The following EDN1 variants were observed in gnomAD, a reference collection of about 807,000 sequenced individuals.
EDN1 encodes the protein endothelin-1.
EDN1 carries 11 observed loss-of-function variants against 21.7 expected under a neutral mutation model. The observed-to-expected ratio is 0.51, with a 90% confidence interval of 0.32 to 0.84. The LOEUF (loss-of-function observed/expected upper bound fraction) is 0.84, where lower values mean the gene tolerates loss of function less well. Ranked by LOEUF, EDN1 falls within the 40% of genes least tolerant of loss-of-function variation. The probability of loss-of-function intolerance (pLI) is 0.03; values close to 1 mark genes in which losing one functional copy is unlikely to be tolerated. For synonymous variants in EDN1, 85 were observed against 90.6 expected (o/e 0.94, Z 0.35); for missense variants, 244 against 262.3 (o/e 0.93, Z 0.48).
the EDN1 span, among the ~76,000 whole-genome samples, chr6:12,269,416 G>GA: frequency 0.76 from 115,238 of 151,902 alleles, 43,931 homozygotes; most frequent in East Asian, 0.83. Flanking sequence ...AGATCTTAGA[G>GA]AAGAGCTTTA....
chr6:12,253,370 G>A, the EDN1 span, among the ~76,000 whole-genome samples: 1 of 152,122 alleles, frequency 6.6e-6, no homozygotes, highest in Admixed American at 6.5e-5. Context: ...CAAAAATTAA[G>A]CAGAATGCAA....
the EDN1 span, among the ~76,000 whole-genome samples, chr6:12,238,553 A>T: frequency 6.6e-6 from 1 of 152,292 alleles, no homozygotes; most frequent in South Asian, 2.1e-4. Flanking sequence ...GGCGGAGGGG[A>T]AGCACTTTCC....
the EDN1 span, among the ~76,000 whole-genome samples, chr6:12,233,103 T>A: frequency 6.6e-6 from 1 of 152,218 alleles, no homozygotes; most frequent in Non-Finnish European, 1.5e-5. Flanking sequence ...TTTGTTTTCC[T>A]TTACAGGGGT....
the EDN1 span, among the ~76,000 whole-genome samples, chr6:12,258,643 C>T: frequency 3.3e-5 from 5 of 152,228 alleles, no homozygotes; most frequent in Non-Finnish European, 5.9e-5. Context: ...CGTGTGTGAA[C>T]CTTACATTGG....
chr6:12,254,062 A>G, the EDN1 span, among the ~76,000 whole-genome samples: 1 of 152,116 alleles, frequency 6.6e-6, no homozygotes, highest in South Asian at 2.1e-4. Flanking sequence ...GCTCCAAACT[A>G]TCTTTCAGTC....
At chr6:12,295,848 G>A (rs1762809645) in intron 4 of EDN1, 114 bp from the exon 5 acceptor site, 2 of 1,023,030 alleles carry the variant, frequency 2.0e-6, no homozygotes, top group African/African-American at 1.6e-5. Context: ...GGTGGTGAAA[G>A]TTCACAACCA....
At chr6:12,279,668 A>G in the EDN1 span, among the ~76,000 whole-genome samples, 1 of 152,198 alleles carries the variant, frequency 6.6e-6, no homozygotes, top group South Asian at 2.1e-4. Flanking sequence ...TTGCACATTC[A>G]TTTTGCAGAA....
chr6:12,247,182 G>T, the EDN1 span, among the ~76,000 whole-genome samples: 1 of 152,150 alleles, frequency 6.6e-6, no homozygotes, highest in African/African-American at 2.4e-5. Context: ...AGGTGGCTGG[G>T]GATCTCTTTC....
At chr6:12,294,158 T>G (rs935417700) in intron 3 of EDN1, 62 bp downstream of exon 3, 3 of 1,613,588 alleles carry the variant, frequency 1.9e-6, no homozygotes, top group Non-Finnish European at 2.5e-6. Flanking sequence ...CTTCCTATCA[T>G]GGTACTGCCT....
chr6:12,234,314 C>T, the EDN1 span, among the ~76,000 whole-genome samples: 1 of 152,172 alleles, frequency 6.6e-6, no homozygotes, highest in African/African-American at 2.4e-5. Flanking sequence ...AGCAAGAACC[C>T]CCAAGGTGTC....
At chr6:12,236,240 A>G in the EDN1 span, among the ~76,000 whole-genome samples, 1 of 152,180 alleles carries the variant, frequency 6.6e-6, no homozygotes, top group Admixed American at 6.5e-5. Context: ...ATTTGAATGT[A>G]CATTTTCTAA....
At chr6:12,293,048 C>G (rs1762725965) in intron 2 of EDN1, among the ~76,000 whole-genome samples, 6 of 152,306 alleles carry the variant, frequency 3.9e-5, no homozygotes, top group South Asian at 4.1e-4. Context: ...TATATTTTCC[C>G]TTTAGAAATG....
chr6:12,247,536 C>CTTTTTTTTTTTTTT, the EDN1 span, among the ~76,000 whole-genome samples: 1 of 97,752 alleles, frequency 1.0e-5, no homozygotes, highest in Non-Finnish European at 2.0e-5. Context: ...TTCTTTCTTT[C>CTTTTTTTTTTTTTT]TTTTTTTTTT....
chr6:12,289,137 G>A (rs923168504), upstream of EDN1, among the ~76,000 whole-genome samples: 1 of 152,116 alleles, frequency 6.6e-6, no homozygotes, highest in South Asian at 2.1e-4. Context: ...TGTACTTCAG[G>A]GGGGGATTTC....
chr6:12,273,153 GA>G, the EDN1 span, among the ~76,000 whole-genome samples: 125 of 152,282 alleles, frequency 8.2e-4, no homozygotes, highest in African/African-American at 2.2e-3. Flanking sequence ...GGTGCTAAGG[GA>G]AAGGGGGTCA....
the EDN1 span, among the ~76,000 whole-genome samples, chr6:12,256,811 T>C: frequency 6.6e-6 from 1 of 152,248 alleles, no homozygotes; most frequent in African/African-American, 2.4e-5. Flanking sequence ...CTAGTACTCA[T>C]TGTCAAATAA....
At chr6:12,278,826 G>A in the EDN1 span, among the ~76,000 whole-genome samples, 1 of 152,108 alleles carries the variant, frequency 6.6e-6, no homozygotes, top group South Asian at 2.1e-4. Flanking sequence ...GAACCCTGGA[G>A]GCGGAGGCTG....
At chr6:12,274,726 C>T in the EDN1 span, among the ~76,000 whole-genome samples, 34 of 152,316 alleles carry the variant, frequency 2.2e-4, no homozygotes, top group African/African-American at 7.0e-4. Flanking sequence ...GCTAGTCAGA[C>T]GTCCCATTGG....
chr6:12,289,792 A>T (rs934643914), upstream of EDN1, among the ~76,000 whole-genome samples: 5 of 152,156 alleles, frequency 3.3e-5, no homozygotes, highest in African/African-American at 1.2e-4. Context: ...GAACTTCAGC[A>T]AAAAAGACCC....
Sources: gnomAD v4.1 joint callset for allele counts (sites outside exome capture counted in the v4.1 genomes callset) on GRCh38, gnomAD v4.1.1 for gene constraint, MANE v1.5 for transcripts, NCBI Gene and HGNC (gene_info 2026-07-23, HGNC 2026-07-21) for gene names.